The following PDZRN4 variants were observed in gnomAD, a reference collection of about 807,000 sequenced individuals.
The protein encoded by PDZRN4 is PDZ domain containing ring finger 4.
In PDZRN4, 70 loss-of-function variants were observed where a neutral mutation model predicts 99.0. That is an observed-to-expected ratio of 0.71 (90% CI 0.58 to 0.86). The LOEUF is 0.86. PDZRN4 is among the 40% of genes least tolerant of loss of function. PDZRN4 has a pLI of 0.00. For missense variants in PDZRN4, 1,474 were observed against 1,331.2 expected, an observed-to-expected ratio of 1.11 and a Z score of -1.67; for synonymous variants, 551 against 501.6, an observed-to-expected ratio of 1.10 and a Z score of -1.32.
At chr12:41,490,570 ATAT>A (rs1937864962) in intron 3 of PDZRN4, among the ~76,000 whole-genome samples, 1 of 152,008 alleles carries the variant, frequency 6.6e-6, no homozygotes, top group African/African-American at 2.4e-5. Context: ...ATATGTGCAT[ATAT>A]TATATATTAT....
chr12:41,476,060 A>C (rs1281473068), intron 3 of PDZRN4, among the ~76,000 whole-genome samples: 3 of 152,188 alleles, frequency 2.0e-5, no homozygotes, highest in Admixed American at 6.5e-5. Flanking sequence ...CACAGGGAGC[A>C]TATCCCAATG....
chr12:41,495,801 C>T (rs1937989136), intron 3 of PDZRN4, among the ~76,000 whole-genome samples: 1 of 152,040 alleles, frequency 6.6e-6, no homozygotes, highest in African/African-American at 2.4e-5. Context: ...TCGTGGTCCC[C>T]AGAGGACTTA....
At chr12:41,274,908 A>T (rs73120983) in intron 3 of PDZRN4, among the ~76,000 whole-genome samples, 8,531 of 152,232 alleles carry the variant, frequency 0.056, 267 homozygotes, top group Non-Finnish European at 0.062. Flanking sequence ...AATATTTGCA[A>T]AGTCTCCCAG....
intron 3 of PDZRN4, among the ~76,000 whole-genome samples, chr12:41,311,487 G>A (rs1474335327): frequency 6.6e-6 from 1 of 152,112 alleles, no homozygotes; most frequent in Non-Finnish European, 1.5e-5. Context: ...TCCACAAAGT[G>A]ATTTTGCTGT....
intron 3 of PDZRN4, among the ~76,000 whole-genome samples, chr12:41,420,201 A>G (rs551778063): frequency 6.6e-6 from 1 of 152,260 alleles, no homozygotes; most frequent in South Asian, 2.1e-4. Flanking sequence ...GCCTAAGAAA[A>G]TAAAATCTTC....
At chr12:41,433,467 G>A (rs976839796) in intron 3 of PDZRN4, among the ~76,000 whole-genome samples, 9 of 152,150 alleles carry the variant, frequency 5.9e-5, no homozygotes, top group Non-Finnish European at 1.2e-4. Flanking sequence ...GCAGCTACGT[G>A]TCTACTAATA....
chr12:41,467,899 C>T (rs1438564229), intron 3 of PDZRN4, among the ~76,000 whole-genome samples: 1 of 152,166 alleles, frequency 6.6e-6, no homozygotes, highest in Non-Finnish European at 1.5e-5. Context: ...GCTATTCTTA[C>T]TGAAAGACTC....
At chr12:41,437,774 T>C in intron 3 of PDZRN4, 2 of 1,530,836 alleles carry the variant, frequency 1.3e-6, no homozygotes, top group South Asian at 2.6e-5. Context: ...AGCATGCTGC[T>C]ACACACCACT....
intron 3 of PDZRN4, among the ~76,000 whole-genome samples, chr12:41,244,774 T>TC (rs1951123628): frequency 6.7e-6 from 1 of 149,406 alleles, no homozygotes; most frequent in African/African-American, 2.5e-5. Flanking sequence ...AAGCTCTGCT[T>TC]CCCGGGTTCA....
At chr12:41,427,038 A>G (rs899927054) in intron 3 of PDZRN4, among the ~76,000 whole-genome samples, 2 of 152,154 alleles carry the variant, frequency 1.3e-5, no homozygotes, top group Non-Finnish European at 2.9e-5. Context: ...GGTGAATAGG[A>G]AGTTCTCAGC....
Position 41,573,578 on chromosome 12 carries a change from C to T in PDZRN4, c.2799C>T (p.Ser933=), listed in dbSNP as rs753961986. The T allele has an allele frequency of 1.1e-5, 17 of 1,611,994 alleles. No homozygotes were observed. In the South Asian group the frequency reaches 1.1e-4, roughly 10 times the overall value. ...SGMTTDDDTM[S]EMKMGRYWSK... ...TGACCACAGACGATGACACCATGAG[C>T]GAGATGAAAATGGGGCGCTACTGGA... The change falls in exon 10 of 10, where the codon AGC becomes AGT. Residue 933 remains serine, a synonymous_variant. Coordinates refer to ENST00000402685, the MANE Select transcript of PDZRN4 (RefSeq NM_001164595.2).
At chr12:41,368,188 T>A (rs1313567931) in intron 3 of PDZRN4, among the ~76,000 whole-genome samples, 1 of 152,068 alleles carries the variant, frequency 6.6e-6, no homozygotes, top group African/African-American at 2.4e-5. Flanking sequence ...TGCCACAGGG[T>A]GCCACTGTTG....
intron 3 of PDZRN4, among the ~76,000 whole-genome samples, chr12:41,471,842 T>C (rs1472799962): frequency 6.6e-6 from 1 of 151,956 alleles, no homozygotes; most frequent in South Asian, 2.1e-4. Context: ...AGAAGTCAAT[T>C]TGCTTTTTTA....
chr12:41,533,328 C>T (rs1383803045), intron 5 of PDZRN4, among the ~76,000 whole-genome samples: 1 of 151,998 alleles, frequency 6.6e-6, no homozygotes, highest in Non-Finnish European at 1.5e-5. Context: ...GCGAGTGCCA[C>T]CACACCTGGC....
intron 8 of PDZRN4, among the ~76,000 whole-genome samples, chr12:41,566,020 T>A (rs917451630): frequency 3.3e-5 from 5 of 152,166 alleles, no homozygotes; most frequent in African/African-American, 1.2e-4. Context: ...AAGGGGGAAA[T>A]AGGAGAGAAG....
rs146962479 is a variant in PDZRN4 at position 41,518,719 on chromosome 12, T to G, written c.1203+8806T>G. On this transcript the variant is annotated intron_variant, in intron 5 of 9. Coordinates refer to ENST00000402685, the MANE Select transcript of PDZRN4 (RefSeq NM_001164595.2). ...TATAACCTTTATTTAAAGCACATTT[T>G]AAAAGGAGCATGGCTTGAGGCCAGG... is the stretch of plus-strand genomic sequence containing the variant. Among the ~76,000 whole-genome samples the G allele has an allele frequency of 1.8e-3, 280 of 152,150 alleles. 3 individuals are homozygous for G. Among genetic ancestry groups the G allele is most frequent in the African/African-American group, 6.6e-3 (273 of 41,560 alleles).
intron 3 of PDZRN4, among the ~76,000 whole-genome samples, chr12:41,291,056 T>C (rs928361000): frequency 3.9e-5 from 6 of 152,102 alleles, no homozygotes; most frequent in Non-Finnish European, 7.4e-5. Context: ...CAATTAATCT[T>C]GGGTAATGTA....
chr12:41,197,918 G>GTTTTT (rs1491129322), intron 3 of PDZRN4, among the ~76,000 whole-genome samples: 2 of 114,576 alleles, frequency 1.7e-5, no homozygotes, highest in African/African-American at 6.8e-5. Flanking sequence ...TGTTTTTTCT[G>GTTTTT]GGTTTTTTTT....
intron 3 of PDZRN4, among the ~76,000 whole-genome samples, chr12:41,489,558 G>A (rs1937843253): frequency 6.6e-6 from 1 of 152,056 alleles, no homozygotes; most frequent in Non-Finnish European, 1.5e-5. Context: ...TTTACATGCA[G>A]TGTTTAGTAT....
Sources: allele counts gnomAD v4.1 joint callset (sites outside exome capture counted in the v4.1 genomes callset), GRCh38; gene constraint gnomAD v4.1.1; transcripts MANE v1.5; gene names NCBI Gene and HGNC (gene_info 2026-07-23, HGNC 2026-07-21).